Variants in TANC1 observed in about 807,000 individuals in gnomAD.
TANC1 encodes the protein protein TANC1.
Under a neutral mutation model 149.7 loss-of-function variants are expected in TANC1, and 77 were observed. The observed-to-expected ratio is 0.51, with a 90% CI of 0.43 to 0.62. The LOEUF is 0.62. Ranked by LOEUF, TANC1 falls within the 20% of genes least tolerant of loss-of-function variation. TANC1 has a pLI of 0.00. For missense variants in TANC1, 1,985 were observed against 2,321.8 expected, an observed-to-expected ratio of 0.85 and a Z score of 2.98; for synonymous variants, 854 against 925.0, an observed-to-expected ratio of 0.92 and a Z score of 1.39.
At chr2:159,014,391 A>T (rs2038064377) in intron 2 of TANC1, among the ~76,000 whole-genome samples, 1 of 152,172 alleles carries the variant, frequency 6.6e-6, no homozygotes, top group Non-Finnish European at 1.5e-5. Context: ...TGCCCCCATG[A>T]TTCAGTTATC....
intron 5 of TANC1, among the ~76,000 whole-genome samples, chr2:159,140,100 C>G (rs2051194687): frequency 6.6e-6 from 1 of 152,020 alleles, no homozygotes; most frequent in East Asian, 1.9e-4. Flanking sequence ...GTGCACCTCT[C>G]TGGTCCCAGC....
chr2:159,150,283 G>T, intron 6 of TANC1, 87 bp from the exon 7 acceptor site: 2 of 1,104,654 alleles, frequency 1.8e-6, no homozygotes, highest in Non-Finnish European at 2.6e-6. Flanking sequence ...CCTGTTCTTA[G>T]TTTTATTGTT....
At chr2:159,064,133 AT>A (rs763125306) in intron 2 of TANC1, among the ~76,000 whole-genome samples, 40 of 152,162 alleles carry the variant, frequency 2.6e-4, no homozygotes, top group Non-Finnish European at 4.7e-4. Flanking sequence ...TCTATTTATT[AT>A]TAACTTTTAC....
chr2:159,206,887 T>C (rs960830659), intron 19 of TANC1, among the ~76,000 whole-genome samples: 11 of 152,130 alleles, frequency 7.2e-5, no homozygotes, highest in African/African-American at 2.7e-4. Context: ...AATAACTTGG[T>C]GTGTAACCCA....
rs1275546538 is a variant in TANC1 at position 159,145,657 on chromosome 2, G to A, written c.365-3485G>A. Among the ~76,000 whole-genome samples, 7 of 152,236 alleles carry A rather than the reference G, an allele frequency of 4.6e-5. No individual in the cohort carries two copies. In the East Asian group the frequency reaches 1.2e-3, roughly 25 times the overall value. Reference sequence around the variant, plus strand: ...CTCCTTAGCATTTGTGCCCCCATATGTGGTCCACAAGGGGGTGAGAAGCTG... The same window carrying A: ...CTCCTTAGCATTTGTGCCCCCATATATGGTCCACAAGGGGGTGAGAAGCTG... On this transcript the variant is annotated intron_variant, in intron 5 of 26. Coordinates refer to ENST00000263635, the MANE Select transcript of TANC1 (RefSeq NM_033394.3).
chr2:159,143,471 C>G (rs1433524017), intron 5 of TANC1, among the ~76,000 whole-genome samples: 2 of 139,020 alleles, frequency 1.4e-5, no homozygotes, highest in African/African-American at 5.3e-5. Flanking sequence ...GTTTCCAGCA[C>G]TTGGGGAGGC....
At chr2:159,225,904 G>A (rs2059995064) in intron 24 of TANC1, 125 bp downstream of exon 24, 1 of 811,490 alleles carries the variant, frequency 1.2e-6, no homozygotes, top group South Asian at 1.5e-5. Context: ...AAAAGTGGCT[G>A]GGTGGGGTGG....
At chr2:159,041,816 G>A (rs1280584723) in intron 2 of TANC1, among the ~76,000 whole-genome samples, 3 of 152,198 alleles carry the variant, frequency 2.0e-5, no homozygotes, top group African/African-American at 7.2e-5. Flanking sequence ...TCCCAGCTGA[G>A]ATGAACCAGG....
At chr2:159,043,076 A>C (rs2040779147) in intron 2 of TANC1, among the ~76,000 whole-genome samples, 1 of 152,172 alleles carries the variant, frequency 6.6e-6, no homozygotes. Flanking sequence ...GATAGTGAGC[A>C]TCTGAGGAAG....
At chr2:158,989,421 G>T (rs552594874) in intron 1 of TANC1, among the ~76,000 whole-genome samples, 1 of 151,364 alleles carries the variant, frequency 6.6e-6, no homozygotes, top group Non-Finnish European at 1.5e-5. Context: ...GCCTGGCAAC[G>T]TAGTGAGACC....
At chr2:159,053,581 T>C (rs1438112073) in intron 2 of TANC1, among the ~76,000 whole-genome samples, 1 of 152,232 alleles carries the variant, frequency 6.6e-6, no homozygotes, top group African/African-American at 2.4e-5. Context: ...TTTATTAGAC[T>C]GTATAAAATT....
At chr2:159,210,725 G>A (rs967455352) in intron 19 of TANC1, among the ~76,000 whole-genome samples, 4 of 151,800 alleles carry the variant, frequency 2.6e-5, no homozygotes, top group African/African-American at 7.3e-5. Context: ...GTGTCATCAC[G>A]CCCAGCTAAT....
chr2:159,087,065 A>G (rs1264307610), intron 3 of TANC1, among the ~76,000 whole-genome samples: 2 of 152,106 alleles, frequency 1.3e-5, no homozygotes, highest in Non-Finnish European at 2.9e-5. Context: ...GAGTTCTGGC[A>G]GGCAGCATCA....
At chr2:159,064,037 G>A (rs1467445385) in intron 2 of TANC1, among the ~76,000 whole-genome samples, 1 of 152,178 alleles carries the variant, frequency 6.6e-6, no homozygotes, top group East Asian at 1.9e-4. Flanking sequence ...GGCTCTGTCA[G>A]TATTTTTCTC....
Position 159,194,302 on chromosome 2 carries a change from A to G in TANC1, c.2788A>G (p.Thr930Ala), listed in dbSNP as rs181716196. 1.2e-6 allele frequency: 2 copies of G among 1,614,234 alleles called. No individual in the cohort carries two copies. Among genetic ancestry groups the G allele is most frequent in the East Asian group, 4.5e-5 (2 of 44,888 alleles). ...GGGAGGGGCCAACGTGAACTACAGG[A>G]CAGAAGTGTTAAATAATGCCCCAAT... ...ILGGANVNYR[T>A]EVLNNAPILC... The change falls in exon 17 of 27, where the codon ACA (threonine) becomes GCA (alanine). Residue 930 changes from threonine (T) to alanine (A), a missense_variant. By Grantham distance (58) the Thr-to-Ala change is moderately conservative. Around this residue, in one of 3 missense-constraint regions of TANC1, gnomAD observed 508 missense variants for 714.2 expected, o/e 0.71. Transcript: ENST00000263635.
At chr2:159,222,968 G>A (rs918357071) in intron 22 of TANC1, among the ~76,000 whole-genome samples, 1 of 152,122 alleles carries the variant, frequency 6.6e-6, no homozygotes, top group Non-Finnish European at 1.5e-5. Flanking sequence ...TGCAGTGGTA[G>A]AATTTCAACT....
At chr2:159,186,820 A>G in intron 15 of TANC1, 82 bp from the exon 16 acceptor site, 1 of 1,583,982 alleles carries the variant, frequency 6.3e-7, no homozygotes, top group Non-Finnish European at 8.6e-7. Context: ...ACCCACTTTC[A>G]GAGTGACCCT....
At position 159,169,347 on chromosome 2, in the gene TANC1, C is replaced by T. The variant is rs199672941; in HGVS notation, c.1044C>T (p.Ala348=). ...TSIRLPWHNT[A]GGRAQEVKAR... The stretch of plus-strand genomic sequence containing the variant: ...TTAGATTACCATGGCACAATACGGC[C>T]GGAGGTAGGGCACAGGAAGTTAAAG... Residue 348 remains alanine (A), a synonymous_variant, in exon 9 of 27, where the codon GCC becomes GCT. Transcript: ENST00000263635. The T allele has an allele frequency of 4.8e-5, 77 of 1,613,684 alleles. No homozygotes were observed. Among genetic ancestry groups the T allele is most frequent in the Middle Eastern group, 1.6e-4 (1 of 6,082 alleles).
intron 2 of TANC1, among the ~76,000 whole-genome samples, chr2:159,010,627 A>G (rs560017368): frequency 6.6e-6 from 1 of 151,992 alleles, no homozygotes; most frequent in Non-Finnish European, 1.5e-5. Flanking sequence ...ACGTGGCTCT[A>G]GTTTACAGAT....
Sources: allele counts gnomAD v4.1 joint callset (sites outside exome capture counted in the v4.1 genomes callset), GRCh38; gene constraint gnomAD v4.1.1; regional missense constraint gnomAD v4.1.1; transcripts MANE v1.5; gene names NCBI Gene and HGNC (gene_info 2026-07-23, HGNC 2026-07-21).